The following DMD variants were observed in gnomAD, a reference collection of about 807,000 sequenced individuals.
DMD encodes dystrophin.
Under a neutral mutation model 330.1 loss-of-function variants are expected in DMD, and 63 were observed. The observed-to-expected ratio is 0.19, with a 90% confidence interval of 0.16 to 0.24. The LOEUF is 0.24. Ranked by LOEUF, DMD falls within the 10% of genes least tolerant of loss-of-function variation. DMD has a pLI of 1.00. For synonymous variants in DMD, 1,223 were observed against 959.8 expected (o/e 1.27, Z -5.07); for missense variants, 3,344 against 2,684.1 (o/e 1.25, Z -5.43).
chrX:33,327,751 G>A (rs2054109455), intron 1 of DMD, among the ~76,000 whole-genome samples: 1 of 111,468 alleles, frequency 9.0e-6, no homozygotes, highest in African/African-American at 3.3e-5. Flanking sequence ...TACAGAAGTA[G>A]ATCATGGAAG....
At chrX:32,174,131 T>C (rs1454256195) in intron 44 of DMD, among the ~76,000 whole-genome samples, 5 of 111,951 alleles carry the variant, frequency 4.5e-5, no homozygotes, top group Non-Finnish European at 7.5e-5. Flanking sequence ...TCCACATTAT[T>C]ATAATTCCCC....
chrX:31,356,472 G>C (rs1293435547), intron 60 of DMD, among the ~76,000 whole-genome samples: 1 of 111,134 alleles, frequency 9.0e-6, no homozygotes, highest in East Asian at 2.8e-4. Context: ...AAGGGGCTGT[G>C]CATGCTTGCA....
intron 2 of DMD, among the ~76,000 whole-genome samples, chrX:32,985,885 G>A (rs1002376626): frequency 9.0e-6 from 1 of 111,644 alleles, no homozygotes; most frequent in Non-Finnish European, 1.9e-5. Flanking sequence ...TCCCCCAAAG[G>A]CATCGTGTAT....
chrX:31,523,429 T>G (rs1308069763), intron 55 of DMD, among the ~76,000 whole-genome samples: 1 of 111,409 alleles, frequency 9.0e-6, no homozygotes, highest in Non-Finnish European at 1.9e-5. Flanking sequence ...AGAAGAAGAA[T>G]ACATTGGAAA....
At chrX:31,680,670 G>A (rs956436920) in intron 52 of DMD, among the ~76,000 whole-genome samples, 4 of 110,616 alleles carry the variant, frequency 3.6e-5, no homozygotes, top group African/African-American at 1.3e-4. Flanking sequence ...GAGCCACCGC[G>A]CCTGGCCAAC....
Position 31,658,138 on chromosome X carries a change from C to A in DMD, c.7879G>T (p.Ala2627Ser). 2 of 1,210,931 alleles carry A rather than the reference C, an allele frequency of 1.7e-6. No individual in the cohort carries two copies. The highest frequency in any genetic ancestry group is 1.1e-6 in the Non-Finnish European group (1 of 894,987). The change falls in exon 54 of 79, where the codon GCC (alanine) becomes TCC (serine). Residue 2627 changes from alanine to serine, a missense_variant. Physicochemically the swap from Ala to Ser is moderately conservative, Grantham distance 99. Transcript: ENST00000357033. Reference sequence around the variant, plus strand: ...GTCTGCCACTGGCGGAGGTCTTTGGCCAACTGCTATAGATTTTTATGAGAA... The same window carrying A: ...GTCTGCCACTGGCGGAGGTCTTTGGACAACTGCTATAGATTTTTATGAGAA... The part of the protein sequence containing the change: ...QKKITETKQL[A>S]KDLRQWQTNV...
chrX:31,202,676 C>G (rs2043608186), intron 67 of DMD, among the ~76,000 whole-genome samples: 1 of 111,762 alleles, frequency 8.9e-6, no homozygotes, highest in African/African-American at 3.3e-5. Flanking sequence ...CAGCTAGTTC[C>G]ATTTTGTAAA....
chrX:32,101,007 G>C (rs1268050444), intron 44 of DMD, among the ~76,000 whole-genome samples: 1 of 111,598 alleles, frequency 9.0e-6, no homozygotes, highest in African/African-American at 3.3e-5. Context: ...TTGATGTCTG[G>C]TTGCCAGAAT....
intron 44 of DMD, among the ~76,000 whole-genome samples, chrX:31,996,590 C>A (rs1387537197): frequency 9.0e-6 from 1 of 111,202 alleles, no homozygotes; most frequent in Non-Finnish European, 1.9e-5. Flanking sequence ...ATTTTTTTAG[C>A]ACTGAATTTT....
chrX:31,478,402 G>A (rs1363789009), intron 58 of DMD, 28 bp from the exon 59 acceptor site: 3 of 1,210,268 alleles, frequency 2.5e-6, no homozygotes, highest in Non-Finnish European at 2.2e-6. Flanking sequence ...CAAGGTTTTA[G>A]GCCACATTCT....
At chrX:32,726,838 T>C (rs142179434) in intron 7 of DMD, among the ~76,000 whole-genome samples, 1,167 of 110,660 alleles carry the variant, frequency 0.011, 13 homozygotes, top group African/African-American at 0.036. Flanking sequence ...TATAAGATGA[T>C]GGATTCAGAT....
intron 7 of DMD, among the ~76,000 whole-genome samples, chrX:32,705,573 G>T (rs1021040761): frequency 9.0e-6 from 1 of 111,687 alleles, no homozygotes. Context: ...CAGCACTTCG[G>T]GAGGACGAGG....
intron 48 of DMD, among the ~76,000 whole-genome samples, chrX:31,843,716 T>C (rs1183580726): frequency 2.7e-5 from 3 of 111,951 alleles, no homozygotes; most frequent in Non-Finnish European, 3.8e-5. Context: ...TTAGTTTAAT[T>C]AGATCCCACT....
intron 7 of DMD, among the ~76,000 whole-genome samples, chrX:32,762,446 G>A (rs913012752): frequency 4.5e-5 from 5 of 111,482 alleles, no homozygotes; most frequent in African/African-American, 1.6e-4. Flanking sequence ...TTCTAGTAGG[G>A]GAAGCAGAGA....
chrX:31,238,938 C>T lies in DMD; in HGVS notation c.9287-15817G>A, dbSNP rs750971551. Among the ~76,000 whole-genome samples the T allele has an allele frequency of 2.7e-5, 3 of 111,904 alleles. No individual in the cohort carries two copies. In the South Asian group the frequency reaches 1.1e-3, roughly 42 times the overall value. ...GACCAATAATGATGAAGTTCCCAGT[C>T]CTCCTTATCTAGAGAAGTTTGCTGA... On this transcript the variant is annotated intron_variant, in intron 63 of 78. Coordinates refer to ENST00000357033, the MANE Select transcript of DMD (RefSeq NM_004006.3).
At chrX:32,416,097 C>T (rs1319622119) in intron 29 of DMD, among the ~76,000 whole-genome samples, 1 of 111,549 alleles carries the variant, frequency 9.0e-6, no homozygotes, top group East Asian at 2.8e-4. Flanking sequence ...AGAGAAAACT[C>T]TGCATGTGAA....
At chrX:31,490,615 G>A (rs1431727313) in intron 57 of DMD, among the ~76,000 whole-genome samples, 2 of 111,873 alleles carry the variant, frequency 1.8e-5, no homozygotes, top group Admixed American at 1.9e-4. Flanking sequence ...TCACTCTATC[G>A]CAACTTTTGG....
chrX:31,411,868 A>G (rs143891909), intron 60 of DMD, among the ~76,000 whole-genome samples: 4,995 of 109,828 alleles, frequency 0.045, 160 homozygotes, highest in East Asian at 0.14. Context: ...TCCTGACCTC[A>G]AGTGATCCCC....
intron 2 of DMD, among the ~76,000 whole-genome samples, chrX:33,011,503 A>C (rs967317911): frequency 1.8e-5 from 2 of 112,379 alleles, no homozygotes; most frequent in African/African-American, 6.4e-5. Context: ...CCAAGCAATT[A>C]GTCATTCTGT....
Sources: gnomAD v4.1 joint callset for allele counts (sites outside exome capture counted in the v4.1 genomes callset) on GRCh38, gnomAD v4.1.1 for gene constraint, MANE v1.5 for transcripts, NCBI Gene and HGNC (gene_info 2026-07-23, HGNC 2026-07-21) for gene names.